The following NF1 variants were observed in gnomAD, a reference collection of about 807,000 sequenced individuals.
NF1 encodes the protein neurofibromin.
In NF1, 122 loss-of-function variants were observed where a neutral mutation model predicts 325.7. The ratio of observed to expected loss-of-function variants is 0.37; its 90% CI spans 0.32 to 0.44. The LOEUF (loss-of-function observed/expected upper bound fraction) is 0.44. NF1 is among the 20% of genes least tolerant of loss of function. The pLI, the probability that NF1 is intolerant of heterozygous loss-of-function variation, is 1.00. For synonymous variants in NF1, 1,091 were observed against 1,186.0 expected (o/e 0.92, Z 1.65); for missense variants, 2,140 against 3,415.4 (o/e 0.63, Z 9.31).
chr17:31,107,609 CATAAAA>C (rs1912981140), intron 1 of NF1, among the ~76,000 whole-genome samples: 2 of 151,708 alleles, frequency 1.3e-5, no homozygotes, highest in Non-Finnish European at 2.9e-5. Context: ...AAAATAAATA[CATAAAA>C]ATAAAATAAA....
intron 15 of NF1, chr17:31,222,498 C>G (rs1051906389): frequency 9.7e-7 from 1 of 1,028,166 alleles, no homozygotes; most frequent in African/African-American, 1.7e-5. Flanking sequence ...TTGCCATTAT[C>G]TTATAAGAAT....
chr17:31,190,089 CAAAA>C (rs766783457), intron 8 of NF1, among the ~76,000 whole-genome samples: 17 of 98,234 alleles, frequency 1.7e-4, no homozygotes, highest in Middle Eastern at 4.5e-3. Flanking sequence ...AAATGTATTA[CAAAA>C]AAAAAAAAAA....
intron 57 of NF1, among the ~76,000 whole-genome samples, chr17:31,369,803 A>T (rs1244254996): frequency 6.6e-6 from 1 of 152,190 alleles, no homozygotes; most frequent in African/African-American, 2.4e-5. Context: ...TGGGATATTG[A>T]GGTGAAATCC....
intron 1 of NF1, among the ~76,000 whole-genome samples, chr17:31,097,819 C>T (rs935420897): frequency 6.6e-6 from 1 of 152,080 alleles, no homozygotes; most frequent in Non-Finnish European, 1.5e-5. Flanking sequence ...GCTTCAGTCT[C>T]CCAAGTAGCT....
rs773207833 is a variant in NF1 at position 31,182,540 on chromosome 17, G to A, written c.763G>A (p.Gly255Ser). 4 of 1,614,002 alleles carry A rather than the reference G, an allele frequency of 2.5e-6. No homozygotes were observed. The South Asian group carries it at 3.3e-5, about 13-fold the overall frequency. Reference sequence around the variant, plus strand: ...AGAAAAGCTATTTGACTTGGTGGATGGTTTTGCTGAAAGCACCAAACGTAA... The same window carrying A: ...AGAAAAGCTATTTGACTTGGTGGATAGTTTTGCTGAAAGCACCAAACGTAA... ...CAEKLFDLVD[G>S]FAESTKRKAA... The change falls in exon 8 of 58, where the codon GGT (glycine) becomes AGT (serine). Residue 255 changes from glycine to serine, a missense_variant. Around this residue, in one of 10 missense-constraint regions of NF1, gnomAD observed 246 missense variants for 347.8 expected, o/e 0.71. Transcript: ENST00000358273.
intron 39 of NF1, 92 bp from the exon 40 acceptor site, chr17:31,334,746 T>G (rs1212981697): frequency 9.5e-7 from 1 of 1,052,636 alleles, no homozygotes; most frequent in African/African-American, 1.6e-5. Flanking sequence ...AGTCTTTACC[T>G]TTTACCATTT....
intron 30 of NF1, 65 bp downstream of exon 30, chr17:31,249,184 A>G (rs2067452633): frequency 7.7e-6 from 12 of 1,549,956 alleles, no homozygotes; most frequent in Non-Finnish European, 1.1e-5. Context: ...TGCTTTATCA[A>G]AGAAGGATCT....
chr17:31,248,937 T>C (rs1410924552), intron 29 of NF1, 47 bp from the exon 30 acceptor site: 6 of 1,597,740 alleles, frequency 3.8e-6, no homozygotes, highest in Non-Finnish European at 4.3e-6. Context: ...ATTTTTGTTA[T>C]TTGTTTTAAA....
intron 5 of NF1, among the ~76,000 whole-genome samples, chr17:31,173,736 G>A (rs1182295495): frequency 1.3e-5 from 2 of 152,220 alleles, no homozygotes; most frequent in African/African-American, 2.4e-5. Flanking sequence ...GCAGAAGAGA[G>A]GGTTTGACCA....
At chr17:31,137,911 C>A (rs755406258) in intron 1 of NF1, 9 of 152,062 alleles carry the variant, frequency 5.9e-5, no homozygotes, top group Non-Finnish European at 1.2e-4. Context: ...TTATTGCTAA[C>A]CCCAATGCCA....
At chr17:31,278,906 C>T (rs954661620) in intron 36 of NF1, among the ~76,000 whole-genome samples, 15 of 152,272 alleles carry the variant, frequency 9.9e-5, no homozygotes, top group African/African-American at 2.6e-4. Flanking sequence ...TGAGCCGCCG[C>T]GCCTGGCCTT....
intron 29 of NF1, among the ~76,000 whole-genome samples, chr17:31,248,621 A>G (rs1353171496): frequency 1.3e-5 from 2 of 151,798 alleles, no homozygotes; most frequent in African/African-American, 2.4e-5. Flanking sequence ...TGCAGCCTCC[A>G]CCTCCCAGGT....
intron 31 of NF1, among the ~76,000 whole-genome samples, chr17:31,254,993 A>G (rs1468647952): frequency 6.6e-6 from 1 of 152,198 alleles, no homozygotes; most frequent in African/African-American, 2.4e-5. Flanking sequence ...TTTTGGGTGT[A>G]TATGTCATGG....
chr17:31,220,044 A>T (rs17883766), intron 14 of NF1, among the ~76,000 whole-genome samples: 19 of 152,326 alleles, frequency 1.2e-4, no homozygotes, highest in African/African-American at 4.6e-4. Context: ...ATGTGGACAT[A>T]TCTCTTAAGT....
intron 35 of NF1, among the ~76,000 whole-genome samples, 184 bp downstream of exon 35, chr17:31,262,041 T>C (rs2067695717): frequency 6.6e-6 from 1 of 152,212 alleles, no homozygotes; most frequent in South Asian, 2.1e-4. Context: ...TTATTTTATA[T>C]ATTGATTGTC....
At chr17:31,222,133 T>G (rs576173778) in intron 15 of NF1, 1 of 1,287,848 alleles carries the variant, frequency 7.8e-7, no homozygotes, top group East Asian at 3.0e-5. Flanking sequence ...GAAAATAAAT[T>G]TTAAGAATAG....
Position 31,201,081 on chromosome 17 carries a change from G to A in NF1, c.1107G>A (p.Gln369=), listed in dbSNP as rs1193249274. ...NPSKPFSRGS[Q]PADVDLMIDC... is the part of the protein sequence containing the mutation. ...GTAAGCCATTCTCAAGAGGCAGTCAGCCTGCAGATGTGGATCTAATGATTG... is the reference window on the plus strand; with the variant it reads ...GTAAGCCATTCTCAAGAGGCAGTCAACCTGCAGATGTGGATCTAATGATTG... Residue 369 remains glutamine (Q), a synonymous_variant, in exon 10 of 58, where the codon CAG becomes CAA. Coordinates refer to ENST00000358273, the MANE Select transcript of NF1 (RefSeq NM_001042492.3). 6.2e-7 allele frequency: 1 copy of A among 1,614,074 alleles called. No homozygotes were observed. The highest frequency in any genetic ancestry group is 1.1e-5 in the South Asian group (1 of 91,082).
Position 31,327,535 on chromosome 17 carries a change from C to T in NF1, c.5305C>T (p.Arg1769Ter), listed in dbSNP as rs876657714. The T allele has an allele frequency of 6.2e-7, 1 of 1,613,904 alleles. No individual in the cohort carries two copies. The highest frequency in any genetic ancestry group is 8.5e-7 in the Non-Finnish European group (1 of 1,179,998). The change falls in exon 38 of 58, where the codon CGA (arginine) becomes TGA (stop). Residue 1769 changes from arginine (R) to a stop codon, truncating the protein, a stop_gained. Transcript: ENST00000358273. LOFTEE classifies it high-confidence loss of function. ...TGCTGTCCAAGTAACTTCAGCAGAG[C>T]GAACAAAAGTCCTAGGGCAATCAGT... The part of the protein sequence containing the change: ...STAVQVTSAE[R>*]TKVLGQSVFL...
At chr17:31,176,102 T>G (rs1055838244) in intron 5 of NF1, among the ~76,000 whole-genome samples, 1 of 152,180 alleles carries the variant, frequency 6.6e-6, no homozygotes, top group South Asian at 2.1e-4. Context: ...CGCCACACTG[T>G]CTTCCACAAT....
Sources: gnomAD v4.1 joint callset for allele counts (sites outside exome capture counted in the v4.1 genomes callset) on GRCh38, gnomAD v4.1.1 for gene constraint, gnomAD v4.1.1 regional missense constraint, MANE v1.5 for transcripts, NCBI Gene and HGNC (gene_info 2026-07-23, HGNC 2026-07-21) for gene names.